The following FRMPD3 variants were observed in gnomAD, a reference collection of about 807,000 sequenced individuals.
FRMPD3 encodes the protein FERM and PDZ domain-containing protein 3.
In FRMPD3, 42 loss-of-function variants were observed where a neutral mutation model predicts 97.9. That is an observed-to-expected ratio of 0.43 (90% confidence interval 0.34 to 0.55). FRMPD3 has a LOEUF of 0.55. Among genes scored for constraint, FRMPD3 ranks in the 20% least tolerant of loss-of-function variants. The pLI is 0.03. For synonymous variants in FRMPD3, 577 were observed against 581.1 expected (o/e 0.99, Z 0.10); for missense variants, 1,303 against 1,457.7 (o/e 0.89, Z 1.73).
At position 107,569,535 on chromosome X, in the gene FRMPD3, G is replaced by C. The variant is rs1232407449; in HGVS notation, c.1296+4469G>C. 4.5e-5 allele frequency among the ~76,000 whole-genome samples: 5 copies of C among 110,407 alleles called. No individual in the cohort carries two copies. In the East Asian group the frequency reaches 1.4e-3, roughly 31 times the overall value. ...TCTTACTAGAGAATGGCTTCCCTGGGCTCAGTAAGAATCTACCCACCGAGC... is the reference window on the plus strand; with the variant it reads ...TCTTACTAGAGAATGGCTTCCCTGGCCTCAGTAAGAATCTACCCACCGAGC... On this transcript the variant is annotated intron_variant, in intron 12 of 14. Coordinates refer to ENST00000683843, the MANE Select transcript of FRMPD3 (RefSeq NM_001388459.1).
chrX:107,531,952 T>TTCAG (rs371552315), intron 3 of FRMPD3, among the ~76,000 whole-genome samples: 131 of 111,824 alleles, frequency 1.2e-3, no homozygotes, highest in African/African-American at 4.0e-3. Flanking sequence ...CATTCATTCA[T>TTCAG]TCAGTCAGTC....
intron 12 of FRMPD3, among the ~76,000 whole-genome samples, chrX:107,575,161 C>A (rs1923052843): frequency 8.9e-6 from 1 of 111,999 alleles, no homozygotes; most frequent in African/African-American, 3.2e-5. Context: ...CTAGTATTTC[C>A]CAAGGTGGGT....
chrX:107,484,829 AGAGT>A (rs1433245934), intron 1 of FRMPD3, among the ~76,000 whole-genome samples: 2 of 112,207 alleles, frequency 1.8e-5, no homozygotes, highest in Middle Eastern at 4.2e-3. Flanking sequence ...CATGCTTTGT[AGAGT>A]CCAGCAATAG....
intron 1 of FRMPD3, among the ~76,000 whole-genome samples, chrX:107,472,654 C>A (rs1218156722): frequency 9.8e-5 from 11 of 111,842 alleles, no homozygotes; most frequent in Non-Finnish European, 1.7e-4. Context: ...TGCATGGGCT[C>A]CCTTGGGCCT....
intron 1 of FRMPD3, among the ~76,000 whole-genome samples, chrX:107,498,827 C>T (rs1381489849): frequency 3.6e-5 from 4 of 111,522 alleles, no homozygotes; most frequent in African/African-American, 6.5e-5. Context: ...GTCACGTCCA[C>T]CTATTCTACA....
intron 1 of FRMPD3, chrX:107,525,685 G>T (rs1472669727): frequency 3.6e-6 from 2 of 557,893 alleles, no homozygotes; most frequent in Admixed American, 4.4e-5. Flanking sequence ...TTGGCATTAT[G>T]GACAATTTTG....
In FRMPD3 at chrX:107,598,409, C is replaced by G. The variant is rs7049328; in HGVS notation, c.2263+267C>G. Among the ~76,000 whole-genome samples the G allele has an allele frequency of 2.7e-3, 298 of 112,076 alleles. 2 individuals carry two copies. The highest frequency in any genetic ancestry group is 9.2e-3 in the African/African-American group (282 of 30,795). ...TAGATCCCAGGGATTGGGGTCATGA[C>G]AGCTATGGATGCAGGCCAGGATAGA... On this transcript the variant is annotated intron_variant, in intron 14 of 14. Coordinates refer to ENST00000683843, the MANE Select transcript of FRMPD3 (RefSeq NM_001388459.1).
intron 1 of FRMPD3, among the ~76,000 whole-genome samples, chrX:107,519,797 CG>C (rs1463514110): frequency 9.0e-6 from 1 of 111,268 alleles, no homozygotes; most frequent in Non-Finnish European, 1.9e-5. Context: ...CTGCAGGTCC[CG>C]GAGGACTTGA....
chrX:107,508,331 A>G, intron 1 of FRMPD3, among the ~76,000 whole-genome samples: 1 of 112,432 alleles, frequency 8.9e-6, no homozygotes, highest in Non-Finnish European at 1.9e-5. Flanking sequence ...TTTCTCCTGT[A>G]GAGAAAGGCA....
intron 1 of FRMPD3, among the ~76,000 whole-genome samples, chrX:107,465,897 G>A (rs754687720): frequency 2.7e-4 from 30 of 110,775 alleles, no homozygotes; most frequent in Non-Finnish European, 4.9e-4. Flanking sequence ...AAAAAAATCC[G>A]TGGCTGGCCA....
chrX:107,573,874 G>A (rs762823267), intron 12 of FRMPD3, among the ~76,000 whole-genome samples: 28 of 112,348 alleles, frequency 2.5e-4, no homozygotes, highest in Non-Finnish European at 5.1e-4. Flanking sequence ...GACTGGGCAT[G>A]TTGATTTTTG....
intron 10 of FRMPD3, among the ~76,000 whole-genome samples, chrX:107,561,352 T>TA (rs201509261): frequency 1.1e-4 from 12 of 110,594 alleles, no homozygotes; most frequent in African/African-American, 3.6e-4. Flanking sequence ...AAAAATAATT[T>TA]AAAAAAAATG....
chrX:107,539,638 C>T (rs952571969), intron 4 of FRMPD3, among the ~76,000 whole-genome samples: 5 of 111,085 alleles, frequency 4.5e-5, no homozygotes, highest in Non-Finnish European at 7.5e-5. Flanking sequence ...TGGTTTTCTA[C>T]AGAGCTTCCT....
intron 1 of FRMPD3, among the ~76,000 whole-genome samples, chrX:107,456,368 T>C (rs1256732204): frequency 9.0e-6 from 1 of 111,289 alleles, no homozygotes; most frequent in Non-Finnish European, 1.9e-5. Flanking sequence ...ATTTTCAACC[T>C]CAAAAAAATT....
chrX:107,491,675 A>G (rs1480071454), intron 1 of FRMPD3, among the ~76,000 whole-genome samples: 1 of 111,980 alleles, frequency 8.9e-6, no homozygotes, highest in Non-Finnish European at 1.9e-5. Flanking sequence ...TGCTAACTGG[A>G]TAGGGGCTGG....
chrX:107,532,684 C>A (rs192429284), intron 3 of FRMPD3, among the ~76,000 whole-genome samples: 1 of 112,282 alleles, frequency 8.9e-6, no homozygotes, highest in African/African-American at 3.2e-5. Flanking sequence ...TCTTGAGCTG[C>A]GGGCCTTGGC....
intron 1 of FRMPD3, among the ~76,000 whole-genome samples, chrX:107,461,853 C>G (rs1398230045): frequency 9.2e-6 from 1 of 108,856 alleles, no homozygotes; most frequent in Non-Finnish European, 1.9e-5. Context: ...GTGTGTATCC[C>G]TCTGCCCCAC....
At chrX:107,556,712 A>G (rs1212378464) in intron 8 of FRMPD3, among the ~76,000 whole-genome samples, 2 of 112,208 alleles carry the variant, frequency 1.8e-5, no homozygotes, top group South Asian at 3.7e-4. Flanking sequence ...ATGAGATCAT[A>G]TGGTATGTAT....
chrX:107,596,551 A>C (rs1008359290), intron 13 of FRMPD3, among the ~76,000 whole-genome samples: 1 of 112,350 alleles, frequency 8.9e-6, no homozygotes, highest in African/African-American at 3.2e-5. Flanking sequence ...ACCATCATTA[A>C]GAGCGGTTGA....
Sources: gnomAD v4.1 joint callset for allele counts (sites outside exome capture counted in the v4.1 genomes callset) on GRCh38, gnomAD v4.1.1 for gene constraint, MANE v1.5 for transcripts, NCBI Gene and HGNC (gene_info 2026-07-23, HGNC 2026-07-21) for gene names.